Variants in DAG1 observed in about 807,000 individuals in gnomAD.
The protein encoded by DAG1 is dystroglycan 1 (dystrophin-associated glycoprotein 1).
In DAG1, 8 loss-of-function variants were observed where a neutral mutation model predicts 46.1. The observed-to-expected ratio is 0.17, with a 90% CI of 0.10 to 0.31. DAG1 has a LOEUF of 0.31. Ranked by LOEUF, DAG1 falls within the 10% of genes least tolerant of loss-of-function variation. The probability of loss-of-function intolerance (pLI) is 1.00; values close to 1 mark genes in which losing one functional copy is unlikely to be tolerated. For missense variants in DAG1, 1,003 were observed against 1,189.9 expected (o/e 0.84, Z 2.31); for synonymous variants, 495 against 481.8 (o/e 1.03, Z -0.36).
Position 49,533,212 on chromosome 3 carries a change from TGGGTGGAGGCA to T in DAG1, c.*18_*28del. ...TGTCCCACCTTAACCCGCAAGCGCC[TGGGTGGAGGCA>T]GGGTAGGGCAGGGGCCTGGAGACGA... On this transcript the variant is annotated 3_prime_UTR_variant, in exon 3 of 3. Transcript: ENST00000308775. The T allele has an allele frequency of 6.2e-7, 1 of 1,610,184 alleles. No homozygotes were observed. Among genetic ancestry groups the T allele is most frequent in the Non-Finnish European group, 8.5e-7 (1 of 1,179,914 alleles).
chr3:49,520,128 G>A (rs2050990391), intron 2 of DAG1, among the ~76,000 whole-genome samples: 1 of 152,206 alleles, frequency 6.6e-6, no homozygotes, highest in African/African-American at 2.4e-5. Context: ...TTTACCTCAG[G>A]TGGGGACAAA....
chr3:49,496,353 CTTTTTTT>C (rs752449720), intron 1 of DAG1, among the ~76,000 whole-genome samples: 3 of 84,126 alleles, frequency 3.6e-5, no homozygotes, highest in Non-Finnish European at 4.6e-5. Context: ...AAATTTTTAA[CTTTTTTT>C]TTTTTTTTTT....
chr3:49,481,309 A>G lies in DAG1; in HGVS notation c.-117+10876A>G, dbSNP rs182663324. Among the ~76,000 whole-genome samples, 8 of 150,678 alleles carry G rather than the reference A, an allele frequency of 5.3e-5. 1 individual carries two copies. In the East Asian group the frequency reaches 1.2e-3, roughly 22 times the overall value. ...CTACTCTGGAGGCCGAGGCAGGAGA[A>G]TGGCGTGAACCTGGAAGGCAGAGCT... On this transcript the variant is annotated intron_variant, in intron 1 of 2. Transcript: ENST00000308775.
At chr3:49,469,971 G>A (rs1236234789), upstream of DAG1, among the ~76,000 whole-genome samples, 1 of 152,114 alleles carries the variant, frequency 6.6e-6, no homozygotes, top group African/African-American at 2.4e-5. Context: ...GGGACCGACC[G>A]CCGGGGTGTG....
At chr3:49,526,716 CA>C (rs2051181509) in intron 2 of DAG1, among the ~76,000 whole-genome samples, 1 of 151,790 alleles carries the variant, frequency 6.6e-6, no homozygotes, top group East Asian at 1.9e-4. Flanking sequence ...GACTCTGTCT[CA>C]AAAAATAAAT....
chr3:49,512,537 G>C (rs550425720), intron 2 of DAG1, among the ~76,000 whole-genome samples: 2 of 151,710 alleles, frequency 1.3e-5, no homozygotes, highest in East Asian at 3.9e-4. Flanking sequence ...GATTACAGGT[G>C]CGCACCACCA....
At chr3:49,498,168 C>A (rs2050362568) in intron 1 of DAG1, among the ~76,000 whole-genome samples, 1 of 152,172 alleles carries the variant, frequency 6.6e-6, no homozygotes, top group South Asian at 2.1e-4. Context: ...TCCTCCAGCT[C>A]CCTGATGGTC....
intron 2 of DAG1, among the ~76,000 whole-genome samples, chr3:49,524,881 G>A (rs1278558647): frequency 6.6e-6 from 1 of 152,196 alleles, no homozygotes; most frequent in Non-Finnish European, 1.5e-5. Flanking sequence ...GGAGGCTGAG[G>A]TGGGAGGATT....
chr3:49,490,770 A>T (rs186364578), intron 1 of DAG1, among the ~76,000 whole-genome samples: 1 of 150,908 alleles, frequency 6.6e-6, no homozygotes, highest in East Asian at 1.9e-4. Flanking sequence ...GGGTTTCACC[A>T]TGTTGCCCAG....
chr3:49,531,828 T>C lies in DAG1; in HGVS notation c.1317T>C (p.Thr439=). The change falls in exon 3 of 3, where the codon ACT becomes ACC. Residue 439 remains threonine, a synonymous_variant. Coordinates refer to ENST00000308775, the MANE Select transcript of DAG1 (RefSeq NM_004393.6). The surrounding 1 kb of genome is among the most constrained non-coding windows in gnomAD (Gnocchi z 7.0). ...VSTPKPATPS[T]DSTTTTTRRP... The stretch of plus-strand genomic sequence containing the variant: ...CACCAAAACCAGCAACGCCTTCAAC[T>C]GACTCCACCACCACCACGACTCGCA... The C allele has an allele frequency of 1.2e-6, 2 of 1,611,888 alleles. No individual in the cohort carries two copies. Among genetic ancestry groups the C allele is most frequent in the South Asian group, 1.1e-5 (1 of 90,984 alleles).
intron 1 of DAG1, among the ~76,000 whole-genome samples, chr3:49,472,146 G>A (rs79276503): frequency 6.6e-6 from 1 of 152,168 alleles, no homozygotes; most frequent in Non-Finnish European, 1.5e-5. Context: ...GTGTGACCCA[G>A]ACCTGTGTTT....
chr3:49,525,704 G>T (rs531105087), intron 2 of DAG1, among the ~76,000 whole-genome samples: 1 of 151,664 alleles, frequency 6.6e-6, no homozygotes, highest in African/African-American at 2.4e-5. Context: ...GACTACAGGC[G>T]CCCGCCACCT....
Position 49,533,553 on chromosome 3 carries a change from C to T in DAG1, c.*354C>T. 1 of 474,502 alleles carries T rather than the reference C, an allele frequency of 2.1e-6. No homozygotes were observed. 29.4% of individuals were successfully genotyped at this position (474,502 alleles called of 1,614,324 possible). On this transcript the variant is annotated 3_prime_UTR_variant, in exon 3 of 3. Transcript: ENST00000308775. ...ACTCGCAGGCAGTGCCGGGCGGCCC[C>T]CTGGCTCTCTGCGTTTTGCCTTTAA...
chr3:49,522,366 C>T (rs1255008390), intron 2 of DAG1, among the ~76,000 whole-genome samples: 1 of 151,976 alleles, frequency 6.6e-6, no homozygotes, highest in East Asian at 1.9e-4. Flanking sequence ...GGGCTTTCAC[C>T]ATGTTGGCCA....
intron 1 of DAG1, among the ~76,000 whole-genome samples, chr3:49,508,759 C>G (rs973743326): frequency 5.9e-5 from 9 of 152,138 alleles, no homozygotes; most frequent in African/African-American, 2.2e-4. Context: ...GAACTCCTGA[C>G]TTCAAGTGAA....
chr3:49,527,092 G>T (rs936813331), intron 2 of DAG1, among the ~76,000 whole-genome samples: 8 of 152,128 alleles, frequency 5.3e-5, no homozygotes, highest in Non-Finnish European at 1.2e-4. Flanking sequence ...TCTATTTTCT[G>T]TTAAAAAGTG....
chr3:49,473,103 C>CA (rs906357006), intron 1 of DAG1, among the ~76,000 whole-genome samples: 7 of 136,682 alleles, frequency 5.1e-5, no homozygotes, highest in African/African-American at 8.3e-5. Flanking sequence ...AACTCGGTCT[C>CA]AAAAAAAATA....
intron 2 of DAG1, among the ~76,000 whole-genome samples, chr3:49,517,632 T>A (rs2050932123): frequency 6.6e-6 from 1 of 152,180 alleles, no homozygotes; most frequent in Admixed American, 6.5e-5. Flanking sequence ...ATGGCTGGTT[T>A]ACAGTTCTGG....
At chr3:49,492,693 T>C (rs1230408017) in intron 1 of DAG1, 1 of 152,162 alleles carries the variant, frequency 6.6e-6, no homozygotes, top group Non-Finnish European at 1.5e-5. Flanking sequence ...ATCTTCCATC[T>C]TATCAAAAGG....
Sources: allele counts gnomAD v4.1 joint callset (sites outside exome capture counted in the v4.1 genomes callset), GRCh38; gene constraint gnomAD v4.1.1; non-coding constraint Gnocchi (gnomAD v3.1); transcripts MANE v1.5; gene names NCBI Gene and HGNC (gene_info 2026-07-23, HGNC 2026-07-21).